SPAG16: variants seen among roughly 807,000 people sequenced by gnomAD.
SPAG16 encodes the protein sperm associated antigen 16.
Under a neutral mutation model 80.4 loss-of-function variants are expected in SPAG16, and 86 were observed. The observed-to-expected ratio is 1.07, with a 90% CI of 0.90 to 1.28. SPAG16 has a LOEUF of 1.28. SPAG16 is among the 50% of genes most tolerant of loss of function. SPAG16 has a pLI of 0.00. For missense variants in SPAG16, 870 were observed against 765.3 expected (o/e 1.14, Z -1.61); for synonymous variants, 294 against 265.9 (o/e 1.11, Z -1.03).
chr2:213,585,576 A>G (rs2060443858), intron 10 of SPAG16, among the ~76,000 whole-genome samples: 1 of 152,138 alleles, frequency 6.6e-6, no homozygotes, highest in African/African-American at 2.4e-5. Flanking sequence ...AGCCTGGCAG[A>G]AAGATTTTTT....
At chr2:213,409,934 A>G (rs2068864244) in intron 9 of SPAG16, among the ~76,000 whole-genome samples, 1 of 152,154 alleles carries the variant, frequency 6.6e-6, no homozygotes, top group South Asian at 2.1e-4. Flanking sequence ...AAAGTCTTTT[A>G]GCACAGGTAC....
At chr2:213,855,091 T>G (rs1251812828) in intron 10 of SPAG16, among the ~76,000 whole-genome samples, 1 of 152,236 alleles carries the variant, frequency 6.6e-6, no homozygotes, top group Non-Finnish European at 1.5e-5. Flanking sequence ...TTATCTTTGC[T>G]TGATCCATCC....
In SPAG16 at chr2:214,161,989, T is replaced by A. The variant is rs1282635748; in HGVS notation, c.1720+12723T>A. 3.3e-5 allele frequency among the ~76,000 whole-genome samples: 5 copies of A among 152,148 alleles called. No individual in the cohort carries two copies. In the East Asian group the frequency reaches 9.6e-4, roughly 29 times the overall value. On this transcript the variant is annotated intron_variant, in intron 15 of 15. Coordinates refer to ENST00000331683, the MANE Select transcript of SPAG16 (RefSeq NM_024532.5). ...AAAAATATTCTTCTCTTCTAGCATC[T>A]TTCTCTTTTAGCTTTACGTTGGTAG...
intron 15 of SPAG16, among the ~76,000 whole-genome samples, chr2:214,177,007 C>A (rs2057110936): frequency 6.6e-6 from 1 of 150,840 alleles, no homozygotes; most frequent in African/African-American, 2.4e-5. Flanking sequence ...TGGGGAAAAA[C>A]CCTCACTTCT....
intron 10 of SPAG16, among the ~76,000 whole-genome samples, chr2:213,643,089 G>A (rs1290624022): frequency 6.7e-6 from 1 of 149,150 alleles, no homozygotes; most frequent in Non-Finnish European, 1.5e-5. Flanking sequence ...ATATCCATTA[G>A]TTTTGTCCCG....
intron 10 of SPAG16, among the ~76,000 whole-genome samples, chr2:213,800,946 T>A (rs1446566780): frequency 6.6e-6 from 1 of 152,208 alleles, no homozygotes; most frequent in African/African-American, 2.4e-5. Context: ...AACTTTACCA[T>A]TATATTTCTA....
intron 10 of SPAG16, among the ~76,000 whole-genome samples, chr2:213,812,124 A>C (rs2072198046): frequency 6.6e-6 from 1 of 152,160 alleles, no homozygotes; most frequent in Non-Finnish European, 1.5e-5. Flanking sequence ...TGATAAGTGA[A>C]CTCTGGTCTT....
At chr2:214,034,616 G>T (rs981894552) in intron 13 of SPAG16, among the ~76,000 whole-genome samples, 2 of 152,222 alleles carry the variant, frequency 1.3e-5, no homozygotes, top group African/African-American at 4.8e-5. Flanking sequence ...AGCGGGGTGG[G>T]CAGCTCCAGG....
chr2:213,852,935 C>T (rs1370127035), intron 10 of SPAG16, among the ~76,000 whole-genome samples: 1 of 152,192 alleles, frequency 6.6e-6, no homozygotes, highest in Non-Finnish European at 1.5e-5. Flanking sequence ...ATATAAGATG[C>T]AGTTACTAGC....
At chr2:213,573,336 A>G (rs1292259837) in intron 10 of SPAG16, among the ~76,000 whole-genome samples, 1 of 152,222 alleles carries the variant, frequency 6.6e-6, no homozygotes, top group African/African-American at 2.4e-5. Flanking sequence ...ATTACCTAGA[A>G]CAATCATTTT....
chr2:213,500,904 T>C lies in SPAG16; in HGVS notation c.1070+10814T>C, dbSNP rs113790834. The stretch of plus-strand genomic sequence containing the variant: ...CGGCAAAGCAATATCAGGAAAGGGA[T>C]AAGAAAGTTGAAACTGTGTAGGTCA... On this transcript the variant is annotated intron_variant, in intron 10 of 15. Coordinates refer to ENST00000331683, the MANE Select transcript of SPAG16 (RefSeq NM_024532.5). Among the ~76,000 whole-genome samples, 120 of 152,320 alleles carry C rather than the reference T, an allele frequency of 7.9e-4. 2 individuals are homozygous for C. The highest frequency in any genetic ancestry group is 3.4e-3 in the Middle Eastern group (1 of 294).
intron 9 of SPAG16, among the ~76,000 whole-genome samples, chr2:213,436,938 G>A (rs1575587366): frequency 6.6e-6 from 1 of 150,892 alleles, no homozygotes; most frequent in Admixed American, 6.6e-5. Flanking sequence ...TTGAGATGGA[G>A]TCTCGCTCTG....
chr2:214,038,045 C>A (rs781386868), intron 13 of SPAG16, among the ~76,000 whole-genome samples: 12 of 152,050 alleles, frequency 7.9e-5, no homozygotes, highest in Non-Finnish European at 1.8e-4. Context: ...CTTATCCATT[C>A]ACATTAATTG....
intron 15 of SPAG16, among the ~76,000 whole-genome samples, chr2:214,279,200 G>A (rs1035254070): frequency 4.7e-5 from 7 of 150,188 alleles, no homozygotes; most frequent in Admixed American, 1.3e-4. Context: ...GGGTACAAAC[G>A]ATTCTCCTGC....
At chr2:213,833,315 T>C (rs1161440768) in intron 10 of SPAG16, among the ~76,000 whole-genome samples, 1 of 144,126 alleles carries the variant, frequency 6.9e-6, no homozygotes, top group Non-Finnish European at 1.5e-5. Context: ...TTTCCTAACA[T>C]ATATAGTGTA....
intron 13 of SPAG16, among the ~76,000 whole-genome samples, chr2:214,061,690 G>A (rs913982809): frequency 1.5e-5 from 2 of 131,648 alleles, no homozygotes; most frequent in African/African-American, 5.5e-5. Flanking sequence ...AAACATCTAG[G>A]CCTATGTTTG....
intron 10 of SPAG16, among the ~76,000 whole-genome samples, chr2:213,777,237 ATTTTTTTTT>A (rs59548915): frequency 1.2e-5 from 1 of 82,702 alleles, no homozygotes; most frequent in Non-Finnish European, 2.2e-5. Flanking sequence ...GTTTGTAGGA[ATTTTTTTTT>A]TTTTTTTTTT....
chr2:214,001,114 TAGAA>T (rs768308727), intron 12 of SPAG16, among the ~76,000 whole-genome samples: 12 of 152,354 alleles, frequency 7.9e-5, no homozygotes, highest in South Asian at 2.1e-4. Flanking sequence ...AATTAATTGA[TAGAA>T]AGAAGTTTGA....
chr2:213,677,125 C>T (rs1187046705), intron 10 of SPAG16, among the ~76,000 whole-genome samples: 1 of 151,718 alleles, frequency 6.6e-6, no homozygotes, highest in South Asian at 2.1e-4. Context: ...GTGTATGTGT[C>T]GAGGAAAGGA....
Sources: gnomAD v4.1 joint callset for allele counts (sites outside exome capture counted in the v4.1 genomes callset) on GRCh38, gnomAD v4.1.1 for gene constraint, MANE v1.5 for transcripts, NCBI Gene and HGNC (gene_info 2026-07-23, HGNC 2026-07-21) for gene names.